Variants in COPS8 observed in about 807,000 individuals in gnomAD.
The protein encoded by COPS8 is COP9 signalosome complex subunit 8.
In COPS8, 11 loss-of-function variants were observed where a neutral mutation model predicts 31.5. That is an observed-to-expected ratio of 0.35 (90% CI 0.22 to 0.58). The LOEUF (loss-of-function observed/expected upper bound fraction) is 0.58, where lower values mean the gene tolerates loss of function less well. Ranked by LOEUF, COPS8 falls within the 20% of genes least tolerant of loss-of-function variation. COPS8 has a pLI of 0.83. For missense variants in COPS8, 215 were observed against 255.1 expected, an observed-to-expected ratio of 0.84 and a Z score of 1.07; for synonymous variants, 81 against 89.3, an observed-to-expected ratio of 0.91 and a Z score of 0.52.
In COPS8 at chr2:237,087,212, C is replaced by T. The variant is rs1696633606; in HGVS notation, c.149+15C>T. 3 of 1,580,358 alleles carry T rather than the reference C, an allele frequency of 1.9e-6. No homozygotes were observed. The highest frequency in any genetic ancestry group is 1.4e-5 in the African/African-American group (1 of 73,642). On this transcript the variant is annotated intron_variant, in intron 2 of 7. Transcript: ENST00000354371. Reference sequence around the variant, plus strand: ...CATAATGACATGTAAGTATGTTTAACCTAAAGCTAAGAGCAACAGGTTTCT... The same window carrying T: ...CATAATGACATGTAAGTATGTTTAATCTAAAGCTAAGAGCAACAGGTTTCT...
At chr2:237,097,531 TA>T in intron 7 of COPS8, 131 bp from the exon 8 acceptor site, 1 of 654,222 alleles carries the variant, frequency 1.5e-6, no homozygotes, top group Non-Finnish European at 2.6e-6. Context: ...AGATTTTGTC[TA>T]AAACCAGGAC....
At position 237,094,536 on chromosome 2, in the gene COPS8, C is replaced by T. The variant is rs74523799; in HGVS notation, c.439+339C>T. Among the ~76,000 whole-genome samples the T allele has an allele frequency of 9.3e-3, 1,412 of 152,190 alleles. 8 individuals carry two copies. The highest frequency in any genetic ancestry group is 0.014 in the Admixed American group (220 of 15,290). On this transcript the variant is annotated intron_variant, in intron 5 of 7. Coordinates refer to ENST00000354371, the MANE Select transcript of COPS8 (RefSeq NM_006710.5). ...CCACGTCCCTTTTCATTTTCCCTGC[C>T]ATTTCTGACCCATACCCTAGGCGCT...
At chr2:237,089,451 T>C (rs1696671223) in intron 3 of COPS8, among the ~76,000 whole-genome samples, 1 of 152,198 alleles carries the variant, frequency 6.6e-6, no homozygotes, top group Non-Finnish European at 1.5e-5. Flanking sequence ...ACATCTTAGA[T>C]TGAGAGTCTC....
rs780919409 is a variant in COPS8, at chr2:237,094,140, A to G, written c.382A>G (p.Ile128Val). 8.1e-6 allele frequency: 13 copies of G among 1,614,100 alleles called. No individual in the cohort carries two copies. The highest frequency in any genetic ancestry group is 1.7e-4 in the Middle Eastern group (1 of 6,060). Residue 128 changes from isoleucine (I) to valine (V), a missense_variant, in exon 5 of 8, where the codon ATC (isoleucine) becomes GTC (valine). Transcript: ENST00000354371. ...FALVSQAYTS[I>V]IADDFAAFVG... The stretch of plus-strand genomic sequence containing the variant: ...CCTGGTCTCTCAAGCGTATACTTCA[A>G]TCATCGCCGATGATTTTGCAGCCTT...
Position 237,100,300 on chromosome 2 carries a change from G to A in COPS8, c.*2558G>A, listed in dbSNP as rs565158685. The A allele has an allele frequency of 6.6e-6, 1 of 152,244 alleles. No individual in the cohort carries two copies. The highest frequency in any genetic ancestry group is 1.5e-5 in the Non-Finnish European group (1 of 68,030). 9.4% of individuals were successfully genotyped at this position (152,244 alleles called of 1,614,324 possible). ...GGCTATTTCTGAGCCAGCCATCTGT[G>A]TACAAGTGTAGCCTGACAGCACCCT... On this transcript the variant is annotated 3_prime_UTR_variant, in exon 8 of 8. Transcript: ENST00000354371.
rs1420862876 is a variant in COPS8 at position 237,087,210 on chromosome 2, A to G, written c.149+13A>G. On this transcript the variant is annotated intron_variant, in intron 2 of 7. Transcript: ENST00000354371. ...TCCATAATGACATGTAAGTATGTTT[A>G]ACCTAAAGCTAAGAGCAACAGGTTT... 2 of 1,583,546 alleles carry G rather than the reference A, an allele frequency of 1.3e-6. No homozygotes were observed. Among genetic ancestry groups the G allele is most frequent in the Admixed American group, 3.6e-5 (2 of 55,288 alleles).
chr2:237,086,364 A>G (rs1696612348), intron 1 of COPS8, among the ~76,000 whole-genome samples: 1 of 152,134 alleles, frequency 6.6e-6, no homozygotes, highest in Admixed American at 6.5e-5. Flanking sequence ...GAGGGTAGTA[A>G]AGTGGGTTTT....
intron 5 of COPS8, among the ~76,000 whole-genome samples, chr2:237,094,578 A>G (rs1350467354): frequency 6.6e-6 from 1 of 151,902 alleles, no homozygotes; most frequent in African/African-American, 2.4e-5. Flanking sequence ...CTCCCCACTC[A>G]TACCTGCTGG....
At chr2:237,093,079 G>A (rs1349555648) in intron 4 of COPS8, among the ~76,000 whole-genome samples, 3 of 152,118 alleles carry the variant, frequency 2.0e-5, no homozygotes, top group Non-Finnish European at 2.9e-5. Context: ...GGCAGAGATC[G>A]TAATGAATTA....
At chr2:237,097,378 A>G (rs990569006) in intron 7 of COPS8, among the ~76,000 whole-genome samples, 7 of 152,156 alleles carry the variant, frequency 4.6e-5, no homozygotes, top group African/African-American at 9.7e-5. Context: ...GTTGCATGAT[A>G]AAAGTGTCTT....
Position 237,097,805 on chromosome 2 carries a change from A to G in COPS8, c.*63A>G. On this transcript the variant is annotated 3_prime_UTR_variant, in exon 8 of 8. Transcript: ENST00000354371. ...TGTATACTGACAAACGTAGAAATGT[A>G]AAGTTTGTATTTTCAATTTATTGGA... 8.0e-7 allele frequency: 1 copy of G among 1,257,262 alleles called. No homozygotes were observed. Among genetic ancestry groups the G allele is most frequent in the Non-Finnish European group, 1.2e-6 (1 of 868,410 alleles). The allele number at this position is 1,257,262 out of a possible 1,614,324, so 77.9% of individuals were successfully genotyped here. A position where few individuals can be genotyped will look rare whatever the true frequency, so the allele number is the denominator to read the frequency against.
At chr2:237,086,768 G>A in intron 1 of COPS8, 1 of 983,782 alleles carries the variant, frequency 1.0e-6, no homozygotes, top group Non-Finnish European at 1.2e-6. Context: ...GAATGCTTCA[G>A]GAATCTGTCG....
At chr2:237,093,984 G>C in intron 4 of COPS8, 106 bp from the exon 5 acceptor site, 1 of 1,494,894 alleles carries the variant, frequency 6.7e-7, no homozygotes, top group Non-Finnish European at 8.9e-7. Flanking sequence ...GGTTCATCTG[G>C]CCTTGCTTAT....
At chr2:237,087,512 C>A in intron 2 of COPS8, 1 of 346,404 alleles carries the variant, frequency 2.9e-6, no homozygotes. Context: ...ATCAATAAAA[C>A]AAAAGAAGTG....
In COPS8 at chr2:237,100,120, A is replaced by G. The variant is rs563460198; in HGVS notation, c.*2378A>G. ...CTCATGCTGGAAAATTCCACCGAAT[A>G]AAGATAAAAGTTAGAAAAACGGTAC... On this transcript the variant is annotated 3_prime_UTR_variant, in exon 8 of 8. Coordinates refer to ENST00000354371, the MANE Select transcript of COPS8 (RefSeq NM_006710.5). 3.9e-5 allele frequency: 6 copies of G among 152,220 alleles called. No individual in the cohort carries two copies. Among genetic ancestry groups the G allele is most frequent in the Non-Finnish European group, 7.3e-5 (5 of 68,038 alleles). The allele number at this position is 152,220 out of a possible 1,614,324, so 9.4% of individuals were successfully genotyped here. A position where few individuals can be genotyped will look rare whatever the true frequency, so the allele number is the denominator to read the frequency against.
At position 237,094,137 on chromosome 2, in the gene COPS8, T is replaced by C; in HGVS notation, c.379T>C (p.Ser127Pro). 3 of 1,614,110 alleles carry C rather than the reference T, an allele frequency of 1.9e-6. No individual in the cohort carries two copies. The highest frequency in any genetic ancestry group is 2.5e-6 in the Non-Finnish European group (3 of 1,179,970). ...TGCCCTGGTCTCTCAAGCGTATACT[T>C]CAATCATCGCCGATGATTTTGCAGC... ...AFALVSQAYT[S>P]IIADDFAAFV... Residue 127 changes from serine (S) to proline (P), a missense_variant, in exon 5 of 8, where the codon TCA becomes CCA. By Grantham distance (74) the Ser-to-Pro change is moderately conservative. Coordinates refer to ENST00000354371, the MANE Select transcript of COPS8 (RefSeq NM_006710.5).
intron 4 of COPS8, 157 bp from the exon 5 acceptor site, chr2:237,093,933 C>T: frequency 7.4e-7 from 1 of 1,352,694 alleles, no homozygotes; most frequent in African/African-American, 1.5e-5. Context: ...CCCGTACATA[C>T]TGGGCATATG....
rs1033046115 is a variant in COPS8, at chr2:237,098,633, T to C, written c.*891T>C. 6.6e-6 allele frequency: 1 copy of C among 152,212 alleles called. No individual in the cohort carries two copies. The highest frequency in any genetic ancestry group is 1.5e-5 in the Non-Finnish European group (1 of 68,022). 9.4% of individuals were successfully genotyped at this position (152,212 alleles called of 1,614,324 possible). A position where few individuals can be genotyped will look rare whatever the true frequency, so the allele number is the denominator to read the frequency against. The stretch of plus-strand genomic sequence containing the variant: ...AGTTGTTTGTTGTAACTTAAGGTTA[T>C]AACAGCCCTTAGTTCATTTACTCTG... On this transcript the variant is annotated 3_prime_UTR_variant, in exon 8 of 8. Coordinates refer to ENST00000354371, the MANE Select transcript of COPS8 (RefSeq NM_006710.5).
Position 237,095,824 on chromosome 2 carries a change from A to C in COPS8, c.442A>C (p.Ile148Leu). 2 of 1,607,354 alleles carry C rather than the reference A, an allele frequency of 1.2e-6. No homozygotes were observed. The highest frequency in any genetic ancestry group is 1.7e-6 in the Non-Finnish European group (2 of 1,173,910). ...GLPVEEAVKG[I>L]LEQGWQADST... ...TTATGTGTAATATACTTTTTTAGGC[A>C]TATTAGAACAAGGATGGCAAGCTGA... Residue 148 changes from isoleucine to leucine, a missense_variant and splice_region_variant, in exon 6 of 8, where the codon ATA becomes CTA. Coordinates refer to ENST00000354371, the MANE Select transcript of COPS8 (RefSeq NM_006710.5).
Sources: allele counts gnomAD v4.1 joint callset (sites outside exome capture counted in the v4.1 genomes callset), GRCh38; gene constraint gnomAD v4.1.1; transcripts MANE v1.5; gene names NCBI Gene and HGNC (gene_info 2026-07-23, HGNC 2026-07-21).